ATP5PO: variants seen among roughly 807,000 people sequenced by gnomAD.
ATP5PO encodes ATP synthase peripheral stalk subunit OSCP, mitochondrial.
Under a neutral mutation model 26.2 loss-of-function variants are expected in ATP5PO, and 14 were observed. The observed-to-expected ratio is 0.53, with a 90% CI of 0.35 to 0.83. The LOEUF is 0.83. ATP5PO is among the 40% of genes least tolerant of loss of function. The probability of loss-of-function intolerance (pLI) is 0.01; values close to 1 mark genes in which losing one functional copy is unlikely to be tolerated. For synonymous variants in ATP5PO, 106 were observed against 95.1 expected (o/e 1.12, Z -0.67); for missense variants, 241 against 258.5 (o/e 0.93, Z 0.46).
intron 2 of ATP5PO, 39 bp downstream of exon 2, chr21:33,914,411 G>C: frequency 6.3e-7 from 1 of 1,587,268 alleles, no homozygotes; most frequent in Non-Finnish European, 8.6e-7. Context: ...TCACACTTTC[G>C]CGTACTTTAT....
chr21:33,911,219 C>T (rs1987242398), intron 3 of ATP5PO, among the ~76,000 whole-genome samples: 2 of 152,260 alleles, frequency 1.3e-5, no homozygotes, highest in South Asian at 4.1e-4. Flanking sequence ...AGACATTCTC[C>T]TATTCAGTTA....
At chr21:33,903,814 A>G (rs1987133706) in intron 6 of ATP5PO, 121 bp downstream of exon 6, 1 of 1,140,696 alleles carries the variant, frequency 8.8e-7, no homozygotes, top group Admixed American at 2.8e-5. Context: ...AAATAAATAC[A>G]AAATTTTAAC....
At chr21:33,909,574 A>G (rs1433849426) in intron 3 of ATP5PO, among the ~76,000 whole-genome samples, 1 of 152,060 alleles carries the variant, frequency 6.6e-6, no homozygotes, top group Non-Finnish European at 1.5e-5. Context: ...CCATACAAAC[A>G]CTTTCTTATG....
In ATP5PO at chr21:33,912,304, C is replaced by T. The variant is rs1196325957; in HGVS notation, c.183G>A (p.Glu61=). The change falls in exon 3 of 7, where the codon GAG becomes GAA. Residue 61 remains glutamate (E), a synonymous_variant. Coordinates refer to ENST00000290299, the MANE Select transcript of ATP5PO (RefSeq NM_001697.3). ...AGCTACTTACTGCTACTCTCAACAA[C>T]TCCTTTTCTACTTGCTCCAGCTTAT... ...KQNKLEQVEK[E]LLRVAQILKE... The T allele has an allele frequency of 2.5e-6, 4 of 1,612,104 alleles. No homozygotes were observed. Among genetic ancestry groups the T allele is most frequent in the African/African-American group, 1.3e-5 (1 of 74,868 alleles).
rs963891771 is a variant in ATP5PO at position 33,903,478 on chromosome 21, G to A, written c.*48C>T. On this transcript the variant is annotated 3_prime_UTR_variant, in exon 7 of 7. Coordinates refer to ENST00000290299, the MANE Select transcript of ATP5PO (RefSeq NM_001697.3). ...TGATCTGTTCTGGAAGCTTTTTATT[G>A]TTGCTCCAAGTTTAAGAATTTTCAC... 4 of 1,513,716 alleles carry A rather than the reference G, an allele frequency of 2.6e-6. No individual in the cohort carries two copies. In the Admixed American group the frequency reaches 5.2e-5, roughly 20 times the overall value. The allele number at this position is 1,513,716 out of a possible 1,614,324, so 93.8% of individuals were successfully genotyped here. A position where few individuals can be genotyped will look rare whatever the true frequency, so the allele number is the denominator to read the frequency against.
chr21:33,913,104 A>C (rs1041196934), intron 2 of ATP5PO, among the ~76,000 whole-genome samples: 9 of 152,290 alleles, frequency 5.9e-5, no homozygotes, highest in African/African-American at 2.2e-4. Flanking sequence ...CCTCAGGTAA[A>C]TTTTCCCAGG....
Position 33,903,650 on chromosome 21 carries a change from AGT to A in ATP5PO, c.529-13_529-12del. On this transcript the variant is annotated splice_polypyrimidine_tract_variant and intron_variant, in intron 6 of 6. Transcript: ENST00000290299. ...GATTGACGGATCAGTCTACAAAAGA[AGT>A]AAGACTGGAAATGTGAAAACGCGCT... 6.2e-7 allele frequency: 1 copy of A among 1,613,206 alleles called. No individual in the cohort carries two copies. Among genetic ancestry groups the A allele is most frequent in the South Asian group, 1.1e-5 (1 of 91,036 alleles).
At chr21:33,909,683 GCA>G (rs1344236623) in intron 3 of ATP5PO, among the ~76,000 whole-genome samples, 3 of 151,824 alleles carry the variant, frequency 2.0e-5, no homozygotes, top group Non-Finnish European at 4.4e-5. Flanking sequence ...AATACACTGT[GCA>G]CTGCACCAGG....
intron 1 of ATP5PO, chr21:33,914,769 G>A: frequency 2.5e-6 from 1 of 397,302 alleles, no homozygotes; most frequent in South Asian, 4.5e-5. Context: ...CCGTAAGACA[G>A]AAAAACACTA....
intron 2 of ATP5PO, among the ~76,000 whole-genome samples, chr21:33,913,521 T>C (rs1350701745): frequency 6.6e-6 from 1 of 152,258 alleles, no homozygotes; most frequent in Non-Finnish European, 1.5e-5. Flanking sequence ...TCAGACTTCA[T>C]GTTCCAACAG....
chr21:33,904,250 G>A (rs1378073512), intron 5 of ATP5PO, among the ~76,000 whole-genome samples: 10 of 152,146 alleles, frequency 6.6e-5, no homozygotes, highest in Non-Finnish European at 8.8e-5. Flanking sequence ...CCACTCAGCC[G>A]TTCAAGGACG....
At chr21:33,909,523 C>T (rs963357724) in intron 3 of ATP5PO, among the ~76,000 whole-genome samples, 3 of 152,154 alleles carry the variant, frequency 2.0e-5, no homozygotes, top group South Asian at 2.1e-4. Context: ...ACCTCGGCCT[C>T]CCAAAGTGCT....
chr21:33,910,600 A>G (rs1282853526), intron 3 of ATP5PO, among the ~76,000 whole-genome samples: 1 of 152,166 alleles, frequency 6.6e-6, no homozygotes, highest in Admixed American at 6.6e-5. Flanking sequence ...TGTAAACATG[A>G]TTGTTTCCGT....
intron 3 of ATP5PO, among the ~76,000 whole-genome samples, chr21:33,911,392 A>C (rs1987245106): frequency 6.6e-6 from 1 of 152,034 alleles, no homozygotes; most frequent in South Asian, 2.1e-4. Flanking sequence ...AGCGCGCCCC[A>C]CCCTGTTATT....
intron 5 of ATP5PO, among the ~76,000 whole-genome samples, chr21:33,905,740 C>G (rs1987160715): frequency 6.6e-6 from 1 of 151,794 alleles, no homozygotes; most frequent in Non-Finnish European, 1.5e-5. Flanking sequence ...TGGTGAAACT[C>G]CATCTCTACT....
intron 3 of ATP5PO, 80 bp downstream of exon 3, chr21:33,912,204 ACACCT>A: frequency 1.8e-6 from 2 of 1,134,690 alleles, no homozygotes; most frequent in Non-Finnish European, 2.5e-6. Flanking sequence ...CTTGTAGGAT[ACACCT>A]CATTAGGAAT....
chr21:33,904,989 C>A (rs1259498819), intron 5 of ATP5PO, among the ~76,000 whole-genome samples: 4 of 152,134 alleles, frequency 2.6e-5, no homozygotes, highest in Non-Finnish European at 5.9e-5. Context: ...GATCCACCCG[C>A]TGCAGTCTCC....
intron 5 of ATP5PO, among the ~76,000 whole-genome samples, chr21:33,905,023 G>A (rs1411724973): frequency 3.3e-5 from 5 of 152,068 alleles, no homozygotes; most frequent in African/African-American, 1.2e-4. Context: ...TTACAAGTGT[G>A]AGCCACCACA....
At chr21:33,906,879 T>A in intron 5 of ATP5PO, 1 of 413,828 alleles carries the variant, frequency 2.4e-6, no homozygotes, top group Non-Finnish European at 4.9e-6. Flanking sequence ...TAATCCCAGC[T>A]ACTCAGGAAG....
Sources: allele counts gnomAD v4.1 joint callset (sites outside exome capture counted in the v4.1 genomes callset), GRCh38; gene constraint gnomAD v4.1.1; transcripts MANE v1.5; gene names NCBI Gene and HGNC (gene_info 2026-07-23, HGNC 2026-07-21).